XYLT1: variants seen among roughly 807,000 people sequenced by gnomAD.
The protein encoded by XYLT1 is beta-D-xylosyltransferase 1.
Under a neutral mutation model 91.3 loss-of-function variants are expected in XYLT1, and 36 were observed. The ratio of observed to expected loss-of-function variants is 0.39; its 90% CI spans 0.30 to 0.52. XYLT1 has a LOEUF of 0.52. Among genes scored for constraint, XYLT1 ranks in the 20% least tolerant of loss-of-function variants. The pLI is 0.68. For missense variants in XYLT1, 1,242 were observed against 1,284.5 expected, an observed-to-expected ratio of 0.97 and a Z score of 0.51; for synonymous variants, 588 against 532.0, an observed-to-expected ratio of 1.11 and a Z score of -1.45.
chr16:17,214,988 A>G (rs2032828838), intron 3 of XYLT1, among the ~76,000 whole-genome samples: 1 of 152,134 alleles, frequency 6.6e-6, no homozygotes, highest in Non-Finnish European at 1.5e-5. Context: ...TGTCCCCCGA[A>G]AATTAATATG....
At chr16:17,121,426 C>T (rs2030051137) in intron 10 of XYLT1, among the ~76,000 whole-genome samples, 2 of 152,178 alleles carry the variant, frequency 1.3e-5, no homozygotes, top group African/African-American at 2.4e-5. Flanking sequence ...CAAGGGGCCT[C>T]ATTGTGGAAG....
At chr16:17,206,150 T>C (rs985946012) in intron 3 of XYLT1, among the ~76,000 whole-genome samples, 2 of 152,138 alleles carry the variant, frequency 1.3e-5, no homozygotes, top group African/African-American at 4.8e-5. Context: ...GAGGTCCATC[T>C]CTGACCCCGC....
intron 2 of XYLT1, among the ~76,000 whole-genome samples, chr16:17,318,883 G>A (rs138494215): frequency 0.019 from 2,923 of 151,944 alleles, 47 homozygotes; most frequent in South Asian, 0.058. Flanking sequence ...TGCTTCCTGG[G>A]TTCAAGCGAT....
rs2033682315 is a variant in XYLT1, at chr16:17,259,198, T to C, written c.703A>G (p.Arg235Gly). ...ANSSHGKDVS[R>G]PPHARKTGGS... The stretch of plus-strand genomic sequence containing the variant: ...CCAGTTTTCCTGGCATGAGGCGGTC[T>C]GGACACATCCTTCCCGTGGCTGCTG... The change falls in exon 3 of 12, where the codon AGA becomes GGA. Residue 235 changes from arginine (R) to glycine (G), a missense_variant. Transcript: ENST00000261381. The C allele has an allele frequency of 1.2e-6, 2 of 1,613,306 alleles. No individual in the cohort carries two copies. Among genetic ancestry groups the C allele is most frequent in the Non-Finnish European group, 1.7e-6 (2 of 1,179,656 alleles).
intron 9 of XYLT1, among the ~76,000 whole-genome samples, chr16:17,128,704 C>G (rs1567284835): frequency 1.3e-5 from 2 of 152,088 alleles, no homozygotes; most frequent in Non-Finnish European, 2.9e-5. Flanking sequence ...GTCTTTGATC[C>G]ACAAAAACTT....
intron 1 of XYLT1, among the ~76,000 whole-genome samples, chr16:17,432,265 T>C (rs2036401698): frequency 1.3e-5 from 2 of 152,354 alleles, no homozygotes; most frequent in South Asian, 4.1e-4. Context: ...CCCAGACTTC[T>C]ATGCAAATGC....
chr16:17,144,734 A>G (rs1428370799), intron 6 of XYLT1, among the ~76,000 whole-genome samples: 1 of 152,240 alleles, frequency 6.6e-6, no homozygotes, highest in Non-Finnish European at 1.5e-5. Flanking sequence ...AAATGATTTT[A>G]TGATGAAGGG....
intron 6 of XYLT1, among the ~76,000 whole-genome samples, chr16:17,147,878 GCT>G (rs2031176121): frequency 6.6e-6 from 1 of 152,212 alleles, no homozygotes; most frequent in Admixed American, 6.5e-5. Flanking sequence ...GGGGCGCATG[GCT>G]CTCTCACCTG....
chr16:17,240,542 G>A (rs565162238), intron 3 of XYLT1, among the ~76,000 whole-genome samples: 1 of 152,314 alleles, frequency 6.6e-6, no homozygotes, highest in East Asian at 1.9e-4. Context: ...AAGAGACAGA[G>A]AGAGAAATGG....
At chr16:17,325,804 G>C (rs1460989118) in intron 2 of XYLT1, among the ~76,000 whole-genome samples, 1 of 152,196 alleles carries the variant, frequency 6.6e-6, no homozygotes, top group Non-Finnish European at 1.5e-5. Flanking sequence ...CTGGGAGAAA[G>C]AGGATAATGA....
chr16:17,113,044 G>T (rs1470199544), intron 11 of XYLT1, among the ~76,000 whole-genome samples: 3 of 152,028 alleles, frequency 2.0e-5, no homozygotes, highest in Non-Finnish European at 1.5e-5. Context: ...TCTCCACGTT[G>T]GTCAGGCTGG....
chr16:17,327,840 A>T (rs1188605724), intron 2 of XYLT1, among the ~76,000 whole-genome samples: 1 of 152,114 alleles, frequency 6.6e-6, no homozygotes, highest in Non-Finnish European at 1.5e-5. Flanking sequence ...CTGTGCTAAC[A>T]TCTGTGATCA....
chr16:17,253,392 G>A (rs1039775011), intron 3 of XYLT1, among the ~76,000 whole-genome samples: 4 of 152,070 alleles, frequency 2.6e-5, no homozygotes, highest in Non-Finnish European at 5.9e-5. Flanking sequence ...GTGCACTAAA[G>A]GCCTCAGGAC....
chr16:17,398,365 C>T (rs143072796), intron 1 of XYLT1, among the ~76,000 whole-genome samples: 2 of 152,222 alleles, frequency 1.3e-5, no homozygotes, highest in East Asian at 3.9e-4. Context: ...AACGTAAGAC[C>T]GACTGTGTTT....
chr16:17,401,870 T>C (rs2035972802), intron 1 of XYLT1, among the ~76,000 whole-genome samples: 1 of 152,158 alleles, frequency 6.6e-6, no homozygotes, highest in Non-Finnish European at 1.5e-5. Context: ...TTTACAACAT[T>C]ATTTATTTAG....
chr16:17,292,329 AAC>A (rs1265980098), intron 2 of XYLT1, among the ~76,000 whole-genome samples: 1 of 152,184 alleles, frequency 6.6e-6, no homozygotes, highest in African/African-American at 2.4e-5. Flanking sequence ...CAAAGAGGGA[AAC>A]ACAATTAGTT....
chr16:17,122,058 A>G (rs11649125), intron 10 of XYLT1, among the ~76,000 whole-genome samples: 99,371 of 152,014 alleles, frequency 0.65, 33,338 homozygotes, highest in Non-Finnish European at 0.71. Flanking sequence ...TTGTGCTGCT[A>G]TAAACATGCG....
intron 3 of XYLT1, among the ~76,000 whole-genome samples, chr16:17,247,161 A>AC (rs2033449081): frequency 7.3e-6 from 1 of 137,738 alleles, no homozygotes; most frequent in Non-Finnish European, 1.7e-5. Flanking sequence ...TCATTTATTC[A>AC]TTCACTCATT....
intron 2 of XYLT1, among the ~76,000 whole-genome samples, chr16:17,276,562 A>C (rs772234834): frequency 1.6e-4 from 24 of 152,194 alleles, no homozygotes; most frequent in Non-Finnish European, 3.2e-4. Flanking sequence ...CAAAAACCTC[A>C]TCACTACCAA....
Sources: gnomAD v4.1 joint callset for allele counts (sites outside exome capture counted in the v4.1 genomes callset) on GRCh38, gnomAD v4.1.1 for gene constraint, MANE v1.5 for transcripts, NCBI Gene and HGNC (gene_info 2026-07-23, HGNC 2026-07-21) for gene names.